CEP85L: variants seen among roughly 807,000 people sequenced by gnomAD.
CEP85L encodes centrosomal protein 85L.
In CEP85L, 60 loss-of-function variants were observed where a neutral mutation model predicts 100.3. The observed-to-expected ratio is 0.60, with a 90% CI of 0.49 to 0.74. CEP85L has a LOEUF of 0.74. CEP85L is among the 30% of genes least tolerant of loss of function. The pLI, the probability that CEP85L is intolerant of heterozygous loss-of-function variation, is 0.00. For missense variants in CEP85L, 973 were observed against 936.2 expected (o/e 1.04, Z -0.51); for synonymous variants, 319 against 322.7 (o/e 0.99, Z 0.12).
intron 2 of CEP85L, among the ~76,000 whole-genome samples, chr6:118,629,107 C>A (rs1018404102): frequency 6.6e-6 from 1 of 152,098 alleles, no homozygotes; most frequent in East Asian, 1.9e-4. Flanking sequence ...CATTGTATTA[C>A]GTATTGTAAG....
At chr6:118,603,598 C>T (rs370532731) in intron 2 of CEP85L, among the ~76,000 whole-genome samples, 1 of 152,148 alleles carries the variant, frequency 6.6e-6, no homozygotes, top group Non-Finnish European at 1.5e-5. Context: ...CTGTAAAAAG[C>T]TCAAAAGAAG....
chr6:118,611,468 G>C (rs1180962696), intron 2 of CEP85L, among the ~76,000 whole-genome samples: 1 of 152,062 alleles, frequency 6.6e-6, no homozygotes, highest in Non-Finnish European at 1.5e-5. Context: ...AATGAAAACA[G>C]AAATGGAGAA....
chr6:118,608,047 G>T (rs1772350728), intron 2 of CEP85L, among the ~76,000 whole-genome samples: 1 of 152,124 alleles, frequency 6.6e-6, no homozygotes, highest in African/African-American at 2.4e-5. Context: ...TAAAAGGATG[G>T]CTGCTCCACA....
chr6:118,543,794 G>C (rs372861415), intron 3 of CEP85L, among the ~76,000 whole-genome samples: 2 of 152,148 alleles, frequency 1.3e-5, no homozygotes, highest in South Asian at 4.1e-4. Context: ...TTTTCATCTC[G>C]AAAGAGAAAT....
chr6:118,582,914 G>A (rs1193285269), intron 2 of CEP85L, among the ~76,000 whole-genome samples: 12 of 152,218 alleles, frequency 7.9e-5, no homozygotes, highest in Admixed American at 7.9e-4. Flanking sequence ...TACAGATCAG[G>A]AGGAGGCCCA....
chr6:118,509,231 A>C (rs542090681), intron 5 of CEP85L, among the ~76,000 whole-genome samples: 2 of 152,238 alleles, frequency 1.3e-5, no homozygotes, highest in Admixed American at 6.5e-5. Flanking sequence ...CATTTGCTTC[A>C]TCCTTCAGAT....
chr6:118,546,718 C>A (rs1371305342), intron 3 of CEP85L, among the ~76,000 whole-genome samples: 3 of 152,158 alleles, frequency 2.0e-5, no homozygotes, highest in Middle Eastern at 3.4e-3. Context: ...TTACTGTAAA[C>A]CTCGTTAGGC....
At chr6:118,590,296 A>T (rs1467600112) in intron 2 of CEP85L, among the ~76,000 whole-genome samples, 3 of 152,192 alleles carry the variant, frequency 2.0e-5, no homozygotes, top group Non-Finnish European at 4.4e-5. Flanking sequence ...CTTTTAAAGC[A>T]GCTCCAGAAA....
intron 5 of CEP85L, among the ~76,000 whole-genome samples, chr6:118,510,824 AG>A (rs983645507): frequency 3.1e-4 from 47 of 152,268 alleles, no homozygotes; most frequent in Non-Finnish European, 5.3e-4. Context: ...TTTGATGAGT[AG>A]GGGGCAGGTA....
intron 3 of CEP85L, among the ~76,000 whole-genome samples, chr6:118,545,201 G>T (rs926736012): frequency 6.6e-5 from 10 of 151,652 alleles, no homozygotes; most frequent in African/African-American, 2.4e-4. Flanking sequence ...ATTCTATTTT[G>T]AAGCTTCTTC....
At chr6:118,664,911 A>G (rs763868891) in intron 1 of CEP85L, among the ~76,000 whole-genome samples, 3 of 152,174 alleles carry the variant, frequency 2.0e-5, no homozygotes, top group Non-Finnish European at 4.4e-5. Context: ...ACCTTCAGTG[A>G]GTTGATTAAC....
intron 3 of CEP85L, chr6:118,537,885 C>T (rs1777684805): frequency 1.0e-6 from 1 of 985,138 alleles, no homozygotes; most frequent in Non-Finnish European, 1.2e-6. Context: ...TCCTCTGTTT[C>T]CTGGAATAGT....
intron 1 of CEP85L, among the ~76,000 whole-genome samples, chr6:118,634,725 A>C (rs1047127486): frequency 6.6e-6 from 1 of 151,892 alleles, no homozygotes; most frequent in Non-Finnish European, 1.5e-5. Flanking sequence ...CTATACCAAA[A>C]TTTTTTTTCA....
intron 1 of CEP85L, among the ~76,000 whole-genome samples, chr6:118,646,562 G>A (rs56242764): frequency 0.027 from 4,107 of 151,974 alleles, 191 homozygotes; most frequent in African/African-American, 0.093. Flanking sequence ...CCAGATACTC[G>A]GGAGGCTGAG....
At chr6:118,502,072 C>T in intron 5 of CEP85L, 1 of 871,270 alleles carries the variant, frequency 1.1e-6, no homozygotes, top group Non-Finnish European at 1.9e-6. Context: ...TCCTGTGGAT[C>T]CCATTGTAGG....
chr6:118,662,524 G>T (rs555565276), intron 1 of CEP85L, among the ~76,000 whole-genome samples: 1 of 123,510 alleles, frequency 8.1e-6, no homozygotes, highest in Admixed American at 7.9e-5. Context: ...GAGGGAAACC[G>T]CATCTCAAAA....
chr6:118,544,036 C>G (rs1433355960), intron 3 of CEP85L, among the ~76,000 whole-genome samples: 1 of 152,116 alleles, frequency 6.6e-6, no homozygotes, highest in East Asian at 1.9e-4. Flanking sequence ...TATGAGCCTC[C>G]AATTTCAATT....
chr6:118,695,439 C>T (rs889433626), intron 1 of CEP85L, among the ~76,000 whole-genome samples: 1 of 152,212 alleles, frequency 6.6e-6, no homozygotes, highest in East Asian at 1.9e-4. Flanking sequence ...GGCTCTCAAA[C>T]TTTAACATGC....
intron 2 of CEP85L, chr6:118,589,239 C>T (rs1781040849): frequency 8.9e-6 from 2 of 225,260 alleles, no homozygotes; most frequent in Non-Finnish European, 2.0e-5. Context: ...AACTATGAGA[C>T]CATGACTAAA....
Sources: gnomAD v4.1 joint callset for allele counts (sites outside exome capture counted in the v4.1 genomes callset) on GRCh38, gnomAD v4.1.1 for gene constraint, MANE v1.5 for transcripts, NCBI Gene and HGNC (gene_info 2026-07-23, HGNC 2026-07-21) for gene names.